CADM2: variants seen among roughly 807,000 people sequenced by gnomAD.
CADM2 encodes cell adhesion molecule 2, also known as immunoglobulin superfamily member 4D.
A neutral mutation model predicts 49.8 loss-of-function variants in CADM2; 12 were observed. The observed-to-expected ratio is 0.24, with a 90% CI of 0.15 to 0.39. The LOEUF (loss-of-function observed/expected upper bound fraction) is 0.39, where lower values mean the gene tolerates loss of function less well. Among genes scored for constraint, CADM2 ranks in the 10% least tolerant of loss-of-function variants. The pLI is 1.00. For synonymous variants in CADM2, 214 were observed against 175.4 expected (o/e 1.22, Z -1.74); for missense variants, 378 against 492.3 (o/e 0.77, Z 2.20).
At chr3:85,072,718 G>GA (rs1387885765) in intron 1 of CADM2, among the ~76,000 whole-genome samples, 4 of 151,818 alleles carry the variant, frequency 2.6e-5, no homozygotes, top group Non-Finnish European at 5.9e-5. Flanking sequence ...CTTTGTAAAG[G>GA]AAAAAATTTG....
At chr3:85,341,001 G>A (rs957189435) in intron 1 of CADM2, among the ~76,000 whole-genome samples, 9 of 151,532 alleles carry the variant, frequency 5.9e-5, no homozygotes, top group Non-Finnish European at 1.0e-4. Context: ...TTACATTGTT[G>A]TAATACTAAA....
chr3:85,009,988 TC>T (rs1429096518), intron 1 of CADM2, among the ~76,000 whole-genome samples: 1 of 151,940 alleles, frequency 6.6e-6, no homozygotes, highest in Non-Finnish European at 1.5e-5. Context: ...TCCCAAAATG[TC>T]ATAAAGTGAG....
intron 8 of CADM2, among the ~76,000 whole-genome samples, chr3:86,004,174 G>T (rs114309846): frequency 0.015 from 2,216 of 152,156 alleles, 47 homozygotes; most frequent in African/African-American, 0.051. Context: ...AAAACGAAGA[G>T]TTTCCTTATA....
At chr3:85,338,760 C>A (rs1296040289) in intron 1 of CADM2, among the ~76,000 whole-genome samples, 2 of 151,356 alleles carry the variant, frequency 1.3e-5, no homozygotes, top group Non-Finnish European at 3.0e-5. Flanking sequence ...CTGCAAAGAA[C>A]AATAACCATG....
chr3:85,528,797 A>G (rs892423077), intron 1 of CADM2, among the ~76,000 whole-genome samples: 3 of 152,192 alleles, frequency 2.0e-5, no homozygotes, highest in Non-Finnish European at 2.9e-5. Context: ...GAGAGTCACT[A>G]CTAGTGTTGT....
intron 1 of CADM2, among the ~76,000 whole-genome samples, chr3:85,364,387 A>G (rs1559801585): frequency 6.6e-6 from 1 of 152,180 alleles, no homozygotes; most frequent in Non-Finnish European, 1.5e-5. Flanking sequence ...TTTGAAGGTG[A>G]AAGTACAAGC....
chr3:85,982,865 C>T (rs947700840), intron 8 of CADM2, among the ~76,000 whole-genome samples: 4 of 151,638 alleles, frequency 2.6e-5, no homozygotes, highest in Non-Finnish European at 4.4e-5. Context: ...ATATTTTCAA[C>T]TTGCAGCATT....
chr3:85,311,117 T>C (rs1008631971), intron 1 of CADM2, among the ~76,000 whole-genome samples: 3 of 152,112 alleles, frequency 2.0e-5, no homozygotes, highest in African/African-American at 7.2e-5. Context: ...AAATTTCTCA[T>C]AATTCGGCAT....
chr3:85,961,068 T>C (rs889735336), intron 7 of CADM2, among the ~76,000 whole-genome samples: 1 of 147,374 alleles, frequency 6.8e-6, no homozygotes, highest in African/African-American at 2.5e-5. Flanking sequence ...TATATATTTA[T>C]ATATAAATAT....
chr3:85,797,304 C>T (rs971644551), intron 2 of CADM2, among the ~76,000 whole-genome samples: 6 of 151,862 alleles, frequency 4.0e-5, no homozygotes, highest in South Asian at 2.1e-4. Flanking sequence ...ACGTGCAGAA[C>T]GTGCAGGTTT....
At chr3:85,661,496 T>C (rs1256388181) in intron 1 of CADM2, among the ~76,000 whole-genome samples, 1 of 152,076 alleles carries the variant, frequency 6.6e-6, no homozygotes, top group East Asian at 1.9e-4. Context: ...CCTCCTTGCT[T>C]CCTGATGTTC....
intron 1 of CADM2, among the ~76,000 whole-genome samples, chr3:85,657,866 A>G (rs2065262221): frequency 6.6e-6 from 1 of 151,504 alleles, no homozygotes; most frequent in Non-Finnish European, 1.5e-5. Flanking sequence ...CTTTATTTAG[A>G]AAGAGTGTAA....
chr3:84,993,879 AG>A (rs1190727809), intron 1 of CADM2, among the ~76,000 whole-genome samples: 1 of 152,170 alleles, frequency 6.6e-6, no homozygotes, highest in African/African-American at 2.4e-5. Context: ...AACAAAATTA[AG>A]GTTAAAATTC....
At chr3:85,143,702 T>TAAAA (rs1360970467) in intron 1 of CADM2, among the ~76,000 whole-genome samples, 1 of 152,186 alleles carries the variant, frequency 6.6e-6, no homozygotes, top group Non-Finnish European at 1.5e-5. Context: ...CTCCATGGTC[T>TAAAA]AAAAAAGTAA....
intron 1 of CADM2, among the ~76,000 whole-genome samples, chr3:85,154,254 G>A (rs1373429186): frequency 6.6e-6 from 1 of 152,152 alleles, no homozygotes; most frequent in Non-Finnish European, 1.5e-5. Flanking sequence ...AGGAGCTGAT[G>A]GAGCTGAAAA....
intron 1 of CADM2, among the ~76,000 whole-genome samples, chr3:85,297,609 G>C (rs2043997918): frequency 6.6e-6 from 1 of 151,758 alleles, no homozygotes; most frequent in African/African-American, 2.4e-5. Flanking sequence ...TTTCTTTCTT[G>C]GGCCTTGTCC....
chr3:85,450,535 A>C (rs1056263948), intron 1 of CADM2, among the ~76,000 whole-genome samples: 1 of 152,078 alleles, frequency 6.6e-6, no homozygotes, highest in African/African-American at 2.4e-5. Context: ...AATGCAATAA[A>C]AAGTACAATA....
intron 1 of CADM2, among the ~76,000 whole-genome samples, chr3:85,395,577 C>T (rs1221546524): frequency 6.6e-6 from 1 of 152,008 alleles, no homozygotes; most frequent in African/African-American, 2.4e-5. Flanking sequence ...TTGTTTGCTA[C>T]TCCAAAAAGG....
At chr3:85,911,836 T>C (rs1244244317) in intron 5 of CADM2, among the ~76,000 whole-genome samples, 9 of 152,132 alleles carry the variant, frequency 5.9e-5, no homozygotes, top group African/African-American at 1.7e-4. Flanking sequence ...GATTATAAGC[T>C]AGGTAAGCCT....
Sources: gnomAD v4.1 joint callset for allele counts (sites outside exome capture counted in the v4.1 genomes callset) on GRCh38, gnomAD v4.1.1 for gene constraint, MANE v1.5 for transcripts, NCBI Gene and HGNC (gene_info 2026-07-23, HGNC 2026-07-21) for gene names.